Variants in DCAF6 observed in about 807,000 individuals in gnomAD.
The protein encoded by DCAF6 is DDB1- and CUL4-associated factor 6.
In DCAF6, 54 loss-of-function variants were observed where a neutral mutation model predicts 125.1. The observed-to-expected ratio is 0.43, with a 90% CI of 0.35 to 0.54. The LOEUF is 0.54. DCAF6 is among the 20% of genes least tolerant of loss of function. The pLI is 0.01. For synonymous variants in DCAF6, 371 were observed against 390.4 expected, an observed-to-expected ratio of 0.95 and a Z score of 0.58; for missense variants, 934 against 1,161.7, an observed-to-expected ratio of 0.80 and a Z score of 2.85.
intron 16 of DCAF6, among the ~76,000 whole-genome samples, chr1:168,049,428 GTTGT>G (rs1235016442): frequency 8.9e-5 from 6 of 67,450 alleles, no homozygotes; most frequent in African/African-American, 3.8e-4. Context: ...TGTTGTTGTT[GTTGT>G]TTTTTTTTTT....
the DCAF6 span, among the ~76,000 whole-genome samples, chr1:167,867,869 T>C: frequency 6.6e-6 from 1 of 152,000 alleles, no homozygotes; most frequent in Non-Finnish European, 1.5e-5. Flanking sequence ...TCTTGTGTCA[T>C]CTAGGCTACT....
the DCAF6 span, among the ~76,000 whole-genome samples, chr1:167,925,671 C>T: frequency 6.6e-6 from 1 of 151,254 alleles, no homozygotes; most frequent in East Asian, 1.9e-4. Context: ...CTTAGCCTCC[C>T]AAGTAGCTGG....
At chr1:167,874,331 A>AAAAT in the DCAF6 span, among the ~76,000 whole-genome samples, 32 of 152,228 alleles carry the variant, frequency 2.1e-4, no homozygotes, top group South Asian at 6.2e-4. Context: ...ACTCTGTCTC[A>AAAAT]AAATAAATAA....
At chr1:167,924,341 T>C in the DCAF6 span, 1 of 542,848 alleles carries the variant, frequency 1.8e-6, no homozygotes. Flanking sequence ...TTGCTTTATG[T>C]AGAAAACGAT....
At chr1:167,992,756 A>G (rs1439838631) in intron 6 of DCAF6, among the ~76,000 whole-genome samples, 1 of 152,244 alleles carries the variant, frequency 6.6e-6, no homozygotes, top group Non-Finnish European at 1.5e-5. Flanking sequence ...ACTCTGTACT[A>G]TATAACAGGC....
At chr1:167,988,643 C>A (rs368274983) in intron 5 of DCAF6, among the ~76,000 whole-genome samples, 3 of 151,320 alleles carry the variant, frequency 2.0e-5, no homozygotes, top group African/African-American at 7.3e-5. Flanking sequence ...TATGTTTTTA[C>A]TGAAAGTTAC....
At chr1:167,875,081 G>A in the DCAF6 span, 3 of 1,425,656 alleles carry the variant, frequency 2.1e-6, no homozygotes, top group South Asian at 1.1e-5. Flanking sequence ...TTTTCTGCAT[G>A]TTTTGTTTTA....
the DCAF6 span, among the ~76,000 whole-genome samples, chr1:167,908,242 T>A: frequency 6.6e-6 from 1 of 152,222 alleles, no homozygotes; most frequent in Non-Finnish European, 1.5e-5. Context: ...GGAAATTCTT[T>A]CTTGTATGAT....
chr1:167,906,434 T>C, the DCAF6 span, among the ~76,000 whole-genome samples: 1 of 151,930 alleles, frequency 6.6e-6, no homozygotes, highest in Non-Finnish European at 1.5e-5. Context: ...AGTCAATAGA[T>C]AAAATTAAAT....
the DCAF6 span, among the ~76,000 whole-genome samples, chr1:167,928,465 G>A: frequency 6.6e-6 from 1 of 152,016 alleles, no homozygotes; most frequent in East Asian, 1.9e-4. Flanking sequence ...AAGCTAGACA[G>A]GTAAATTTAG....
the DCAF6 span, among the ~76,000 whole-genome samples, chr1:167,898,464 G>A: frequency 1.3e-5 from 2 of 152,082 alleles, no homozygotes; most frequent in Non-Finnish European, 2.9e-5. Flanking sequence ...GCTGGGCGTG[G>A]TAGCGGGCAC....
At chr1:167,916,096 G>C in the DCAF6 span, among the ~76,000 whole-genome samples, 44 of 152,210 alleles carry the variant, frequency 2.9e-4, no homozygotes, top group African/African-American at 1.1e-3. Context: ...TTCAGTAACT[G>C]CATTGATAGT....
chr1:167,865,728 A>G, the DCAF6 span, among the ~76,000 whole-genome samples: 1 of 152,258 alleles, frequency 6.6e-6, no homozygotes. Flanking sequence ...GCATACCAAG[A>G]TGCAAATGCC....
the DCAF6 span, among the ~76,000 whole-genome samples, chr1:167,900,004 T>TA: frequency 6.6e-6 from 1 of 152,196 alleles, no homozygotes; most frequent in East Asian, 1.9e-4. Context: ...AAGCTGTAAC[T>TA]AAAAATAATC....
intron 2 of DCAF6, among the ~76,000 whole-genome samples, chr1:167,962,822 G>T (rs2102801730): frequency 6.6e-6 from 1 of 152,282 alleles, no homozygotes; most frequent in South Asian, 2.1e-4. Flanking sequence ...ACGCATGGTG[G>T]CACATGCCTA....
intron 2 of DCAF6, among the ~76,000 whole-genome samples, chr1:167,959,402 AC>A (rs1036292270): frequency 6.6e-6 from 1 of 152,178 alleles, no homozygotes; most frequent in Non-Finnish European, 1.5e-5. Flanking sequence ...GTGTGGACAT[AC>A]GTTTTCAGCT....
chr1:167,984,547 TTAA>T (rs902498761), intron 4 of DCAF6, among the ~76,000 whole-genome samples: 70 of 144,956 alleles, frequency 4.8e-4, no homozygotes, highest in African/African-American at 1.7e-3. Context: ...ATCATTTTAC[TTAA>T]TAAAGTCATC....
the DCAF6 span, among the ~76,000 whole-genome samples, chr1:167,912,392 T>A: frequency 1.3e-5 from 2 of 152,206 alleles, no homozygotes; most frequent in African/African-American, 2.4e-5. Context: ...GCCCCACATG[T>A]TCCTGGCAAC....
chr1:168,073,878 G>A (rs2102041915), intron 21 of DCAF6, among the ~76,000 whole-genome samples: 1 of 150,382 alleles, frequency 6.6e-6, no homozygotes, highest in Non-Finnish European at 1.5e-5. Context: ...TTATTGGTCA[G>A]AAATTCTTCT....
Sources: allele counts gnomAD v4.1 joint callset (sites outside exome capture counted in the v4.1 genomes callset), GRCh38; gene constraint gnomAD v4.1.1; transcripts MANE v1.5; gene names NCBI Gene and HGNC (gene_info 2026-07-23, HGNC 2026-07-21).